CTIF: variants seen among roughly 807,000 people sequenced by gnomAD.
CTIF encodes the protein cap binding complex dependent translation initiation factor.
A neutral mutation model predicts 66.0 loss-of-function variants in CTIF; 21 were observed. The ratio of observed to expected loss-of-function variants is 0.32; its 90% CI spans 0.23 to 0.46. The LOEUF (loss-of-function observed/expected upper bound fraction) is 0.46, where lower values mean the gene tolerates loss of function less well. Among genes scored for constraint, CTIF ranks in the 20% least tolerant of loss-of-function variants. The probability of loss-of-function intolerance (pLI) is 1.00; values close to 1 mark genes in which losing one functional copy is unlikely to be tolerated. For synonymous variants in CTIF, 345 were observed against 326.4 expected (o/e 1.06, Z -0.62); for missense variants, 739 against 812.7 (o/e 0.91, Z 1.10).
chr18:48,623,846 AGGATGGAT>A (rs529662129), intron 2 of CTIF, among the ~76,000 whole-genome samples: 1 of 150,732 alleles, frequency 6.6e-6, no homozygotes. Flanking sequence ...AAAGAAATGA[AGGATGGAT>A]GGATGGATGG....
intron 3 of CTIF, among the ~76,000 whole-genome samples, chr18:48,639,683 G>T (rs2144656972): frequency 6.6e-6 from 1 of 152,330 alleles, no homozygotes; most frequent in East Asian, 1.9e-4. Flanking sequence ...ATAAACAAGA[G>T]GAATCTTTAT....
rs541404318 is a variant in CTIF at position 48,828,393 on chromosome 18, T to C, written c.1527+11017T>C. Among the ~76,000 whole-genome samples the C allele has an allele frequency of 5.9e-5, 9 of 152,256 alleles. No individual in the cohort carries two copies. In the East Asian group the frequency reaches 1.7e-3, roughly 29 times the overall value. On this transcript the variant is annotated intron_variant, in intron 10 of 11. Coordinates refer to ENST00000256413, the MANE Select transcript of CTIF (RefSeq NM_014772.3). Reference sequence around the variant, plus strand: ...GGGAATTAACTAGCCTTATGAAGGGTATATAGCAGGGAGCAGTTTTTCCTA... The same window carrying C: ...GGGAATTAACTAGCCTTATGAAGGGCATATAGCAGGGAGCAGTTTTTCCTA...
intron 10 of CTIF, among the ~76,000 whole-genome samples, chr18:48,832,173 C>CTTTTTT (rs61221781): frequency 7.8e-6 from 1 of 128,286 alleles, no homozygotes; most frequent in African/African-American, 3.2e-5. Context: ...CGTGGTCCTT[C>CTTTTTT]TTTTTTTTTT....
At chr18:48,834,315 A>G (rs576691666) in intron 10 of CTIF, among the ~76,000 whole-genome samples, 1 of 152,342 alleles carries the variant, frequency 6.6e-6, no homozygotes, top group East Asian at 1.9e-4. Flanking sequence ...ATTTATGGAC[A>G]CTGAGATTTG....
At chr18:48,787,246 A>T (rs1016253518) in intron 9 of CTIF, among the ~76,000 whole-genome samples, 1 of 152,126 alleles carries the variant, frequency 6.6e-6, no homozygotes, top group East Asian at 1.9e-4. Context: ...GATGGCTGTG[A>T]CCACATTGGT....
chr18:48,776,589 A>AAC (rs1333678819), intron 9 of CTIF, among the ~76,000 whole-genome samples: 1 of 152,252 alleles, frequency 6.6e-6, no homozygotes, highest in East Asian at 1.9e-4. Flanking sequence ...CCATAGGGGA[A>AAC]ACGAGGGCAC....
chr18:48,723,796 T>G (rs1222707494), intron 7 of CTIF, among the ~76,000 whole-genome samples: 1 of 152,188 alleles, frequency 6.6e-6, no homozygotes, highest in Non-Finnish European at 1.5e-5. Context: ...TATTTCTGAG[T>G]CTTCCCAGTA....
chr18:48,584,981 A>G lies in CTIF; in HGVS notation c.-28-34557A>G, dbSNP rs573232946. ...GTGATTTCCATTGCCCCAGAAGGCC[A>G]TCAGTTGTTCTGAAAGGACAGAGGC... is the stretch of plus-strand genomic sequence containing the variant. On this transcript the variant is annotated intron_variant, in intron 1 of 11. Coordinates refer to ENST00000256413, the MANE Select transcript of CTIF (RefSeq NM_014772.3). 3.3e-5 allele frequency among the ~76,000 whole-genome samples: 5 copies of G among 152,268 alleles called. No individual in the cohort carries two copies. The South Asian group carries it at 8.3e-4, about 25-fold the overall frequency.
Position 48,860,032 on chromosome 18 carries a change from A to C in CTIF, c.*473A>C. ...CGCATGCTGTCAGCCGCAGTCGCCA[A>C]CTGGCAGCAGGCGACGTGTAGCAGA... On this transcript the variant is annotated 3_prime_UTR_variant, in exon 12 of 12. Coordinates refer to ENST00000256413, the MANE Select transcript of CTIF (RefSeq NM_014772.3). 1 of 439,840 alleles carries C rather than the reference A, an allele frequency of 2.3e-6. No homozygotes were observed. Among genetic ancestry groups the C allele is most frequent in the Non-Finnish European group, 4.6e-6 (1 of 215,488 alleles). The allele number at this position is 439,840 out of a possible 1,614,324, so 27.2% of individuals were successfully genotyped here.
intron 9 of CTIF, among the ~76,000 whole-genome samples, chr18:48,764,075 C>T (rs1909270385): frequency 6.6e-6 from 1 of 152,120 alleles, no homozygotes; most frequent in Admixed American, 6.5e-5. Flanking sequence ...GAACTCTCCC[C>T]CAGAATTCAC....
rs150528106 is a variant in CTIF at position 48,708,169 on chromosome 18, G to A, written c.508-3450G>A. On this transcript the variant is annotated intron_variant, in intron 6 of 11. Coordinates refer to ENST00000256413, the MANE Select transcript of CTIF (RefSeq NM_014772.3). ...TGTTTTGGCTCTTATGAACAATGCT[G>A]CCCAGACCACTCACATATTACCTTA... Among the ~76,000 whole-genome samples, 1,132 of 152,284 alleles carry A rather than the reference G, an allele frequency of 7.4e-3. 9 individuals carry two copies. Among genetic ancestry groups the A allele is most frequent in the Non-Finnish European group, 0.013 (894 of 68,020 alleles).
rs1206586293 is a variant in CTIF, at chr18:48,730,493, T to C, written c.584+18798T>C. 1.2e-3 allele frequency among the ~76,000 whole-genome samples: 68 copies of C among 58,026 alleles called. 1 individual carries two copies. Among genetic ancestry groups the C allele is most frequent in the African/African-American group, 2.6e-3 (43 of 16,562 alleles). The allele number at this position is 58,026 out of a possible 152,430, so 38.1% of individuals were successfully genotyped here. A position where few individuals can be genotyped will look rare whatever the true frequency, so the allele number is the denominator to read the frequency against. ...GAGGGGCTTCCGCGGTGTGAGGGGC[T>C]TCTGCGGTGTGAGGGGCTTCTGCGG... On this transcript the variant is annotated intron_variant, in intron 7 of 11. Coordinates refer to ENST00000256413, the MANE Select transcript of CTIF (RefSeq NM_014772.3).
chr18:48,599,336 T>C (rs1250661805), intron 1 of CTIF, among the ~76,000 whole-genome samples: 1 of 151,942 alleles, frequency 6.6e-6, no homozygotes, highest in African/African-American at 2.4e-5. Flanking sequence ...AAGGTTTTTT[T>C]TTTTCTTGTT....
In CTIF at chr18:48,649,804, G is replaced by A. The variant is rs2091121622; in HGVS notation, c.252+13119G>A. Reference sequence around the variant, plus strand: ...GCTGTTCTGCAATATTTGCTGTTCTGCAGTGTCCACTAGTGATACCCAGGC... The same window carrying A: ...GCTGTTCTGCAATATTTGCTGTTCTACAGTGTCCACTAGTGATACCCAGGC... On this transcript the variant is annotated intron_variant, in intron 3 of 11. Coordinates refer to ENST00000256413, the MANE Select transcript of CTIF (RefSeq NM_014772.3). 3.9e-5 allele frequency among the ~76,000 whole-genome samples: 6 copies of A among 152,200 alleles called. No individual in the cohort carries two copies. In the South Asian group the frequency reaches 1.2e-3, roughly 31 times the overall value.
chr18:48,846,235 C>T (rs912242007), intron 10 of CTIF, among the ~76,000 whole-genome samples: 10 of 152,210 alleles, frequency 6.6e-5, no homozygotes, highest in African/African-American at 2.4e-4. Context: ...TGCTAGTGCA[C>T]ATTTTTTGCT....
intron 9 of CTIF, among the ~76,000 whole-genome samples, chr18:48,781,653 G>A (rs1340879304): frequency 6.6e-6 from 1 of 152,076 alleles, no homozygotes; most frequent in Non-Finnish European, 1.5e-5. Context: ...GAGAAGACAC[G>A]TGGCCCTCCC....
chr18:48,752,510 G>T (rs1467406767), intron 7 of CTIF, among the ~76,000 whole-genome samples: 1 of 152,178 alleles, frequency 6.6e-6, no homozygotes. Context: ...TTCCAGTGAG[G>T]GCTTTGCCAC....
chr18:48,845,252 TC>T (rs1273758439), intron 10 of CTIF, among the ~76,000 whole-genome samples: 1 of 152,188 alleles, frequency 6.6e-6, no homozygotes, highest in Non-Finnish European at 1.5e-5. Context: ...CTTCTGGACC[TC>T]CTTCACACTC....
chr18:48,546,421 T>A (rs1306909995), intron 1 of CTIF, among the ~76,000 whole-genome samples: 4 of 152,130 alleles, frequency 2.6e-5, no homozygotes, highest in Admixed American at 2.6e-4. Context: ...AAAAGGGGCA[T>A]CCCAAGACTG....
Sources: allele counts gnomAD v4.1 joint callset (sites outside exome capture counted in the v4.1 genomes callset), GRCh38; gene constraint gnomAD v4.1.1; transcripts MANE v1.5; gene names NCBI Gene and HGNC (gene_info 2026-07-23, HGNC 2026-07-21).